The following DENND10 variants were observed in gnomAD, a reference collection of about 807,000 sequenced individuals.
The protein encoded by DENND10 is DENN domain containing 10.
In DENND10, 24 loss-of-function variants were observed where a neutral mutation model predicts 43.6. The observed-to-expected ratio is 0.55, with a 90% CI of 0.40 to 0.77. DENND10 has a LOEUF of 0.77. DENND10 is among the 30% of genes least tolerant of loss of function. The probability of loss-of-function intolerance (pLI) is 0.00; values close to 1 mark genes in which losing one functional copy is unlikely to be tolerated. For synonymous variants in DENND10, 125 were observed against 157.6 expected (o/e 0.79, Z 1.55); for missense variants, 303 against 429.9 (o/e 0.70, Z 2.61).
At chr10:119,108,476 C>A (rs185119005) in intron 2 of DENND10, among the ~76,000 whole-genome samples, 1,548 of 92,178 alleles carry the variant, frequency 0.017, 21 homozygotes, top group East Asian at 0.059. Flanking sequence ...AGCGAGACTC[C>A]GTCTCAAAAA....
intron 5 of DENND10, among the ~76,000 whole-genome samples, chr10:119,120,996 G>T (rs1447347312): frequency 6.6e-6 from 1 of 151,616 alleles, no homozygotes; most frequent in African/African-American, 2.4e-5. Flanking sequence ...TTCATTTTTA[G>T]TAGAGATGGG....
chr10:119,127,695 C>T (rs1845896858), intron 6 of DENND10, among the ~76,000 whole-genome samples: 5 of 151,876 alleles, frequency 3.3e-5, no homozygotes, highest in Admixed American at 3.3e-4. Context: ...GCCATGTTGC[C>T]CAGGCAGGCC....
intron 3 of DENND10, among the ~76,000 whole-genome samples, chr10:119,112,388 C>A (rs1845018657): frequency 6.6e-6 from 1 of 152,108 alleles, no homozygotes; most frequent in Non-Finnish European, 1.5e-5. Flanking sequence ...TTCTGATTAA[C>A]TGGTTAGTCA....
At chr10:119,118,436 A>G (rs1845400896) in intron 4 of DENND10, among the ~76,000 whole-genome samples, 1 of 152,156 alleles carries the variant, frequency 6.6e-6, no homozygotes, top group Non-Finnish European at 1.5e-5. Context: ...GGAAAATCCA[A>G]AATGCAGACA....
intron 3 of DENND10, chr10:119,114,179 G>A (rs1845127473): frequency 6.6e-6 from 1 of 152,192 alleles, no homozygotes; most frequent in Admixed American, 6.6e-5. Context: ...TGAGGACTCG[G>A]AGCTACTGCC....
At position 119,105,458 on chromosome 10, in the gene DENND10, T is replaced by C. The variant is rs952456879; in HGVS notation, c.55+1261T>C. The C allele has an allele frequency of 4.3e-6, 4 of 940,532 alleles. No homozygotes were observed. The South Asian group carries it at 5.0e-5, about 12-fold the overall frequency. 58.3% of individuals were successfully genotyped at this position (940,532 alleles called of 1,614,324 possible). On this transcript the variant is annotated intron_variant, in intron 1 of 8. Coordinates refer to ENST00000361432, the MANE Select transcript of DENND10 (RefSeq NM_207009.4). ...TGCACCACCACCCGATTAATTTTTG[T>C]ATTTTTTGTGGAGATGGGATACCGA... is the stretch of plus-strand genomic sequence containing the variant.
chr10:119,117,965 CA>C (rs370576956), intron 4 of DENND10, among the ~76,000 whole-genome samples: 9 of 134,224 alleles, frequency 6.7e-5, no homozygotes, highest in African/African-American at 1.1e-4. Flanking sequence ...GACTCCGTCT[CA>C]AAAAAAAAAC....
intron 4 of DENND10, among the ~76,000 whole-genome samples, chr10:119,117,915 C>T (rs1020501417): frequency 2.6e-5 from 4 of 151,594 alleles, no homozygotes; most frequent in South Asian, 2.1e-4. Context: ...TGCAGTGAGC[C>T]GAGATTGTGC....
intron 6 of DENND10, among the ~76,000 whole-genome samples, chr10:119,124,576 G>T (rs1482151075): frequency 6.6e-6 from 1 of 151,850 alleles, no homozygotes; most frequent in Non-Finnish European, 1.5e-5. Flanking sequence ...TTGAGACCAG[G>T]TCTTCCTGTG....
chr10:119,119,686 A>G (rs2133490444), intron 4 of DENND10, among the ~76,000 whole-genome samples: 1 of 150,754 alleles, frequency 6.6e-6, no homozygotes, highest in Non-Finnish European at 1.5e-5. Context: ...AAGTGTTGGT[A>G]TTACAGACAT....
At chr10:119,135,163 C>CAA (rs61460927) in intron 8 of DENND10, 1 of 132,702 alleles carries the variant, frequency 7.5e-6, no homozygotes, top group African/African-American at 2.7e-5. Context: ...AAAACTGTCT[C>CAA]AAAAAAAAAA....
chr10:119,117,691 G>C, intron 4 of DENND10, 24 bp downstream of exon 4: 1 of 1,611,674 alleles, frequency 6.2e-7, no homozygotes, highest in Non-Finnish European at 8.5e-7. Flanking sequence ...AAACAGGCCA[G>C]GGACGGTGGC....
chr10:119,113,406 C>G (rs1418412972), intron 3 of DENND10, among the ~76,000 whole-genome samples: 1 of 151,462 alleles, frequency 6.6e-6, no homozygotes, highest in East Asian at 1.9e-4. Context: ...CTATGTTGCC[C>G]AGGCTGGTCT....
chr10:119,129,067 G>A (rs1046457335), intron 6 of DENND10, among the ~76,000 whole-genome samples: 3 of 151,748 alleles, frequency 2.0e-5, no homozygotes, highest in Non-Finnish European at 4.4e-5. Context: ...GGGAATCATT[G>A]TTCTAACACC....
chr10:119,129,888 T>C (rs1846004780), intron 7 of DENND10, among the ~76,000 whole-genome samples: 1 of 152,254 alleles, frequency 6.6e-6, no homozygotes, highest in African/African-American at 2.4e-5. Flanking sequence ...CAAGGTGTAT[T>C]ATCTACTGCC....
intron 7 of DENND10, 120 bp downstream of exon 7, chr10:119,129,742 T>A (rs1845999821): frequency 1.5e-6 from 1 of 688,036 alleles, no homozygotes; most frequent in Admixed American, 2.3e-5. Context: ...AGATGGATAT[T>A]TCCGTGTCTA....
chr10:119,117,944 G>A (rs1220393897), intron 4 of DENND10, among the ~76,000 whole-genome samples: 21 of 151,400 alleles, frequency 1.4e-4, no homozygotes, highest in Admixed American at 3.3e-4. Flanking sequence ...TCCGGCCTGG[G>A]CAACAGACGA....
At chr10:119,111,980 A>T (rs1464368535) in intron 3 of DENND10, 52 bp downstream of exon 3, 1 of 1,310,186 alleles carries the variant, frequency 7.6e-7, no homozygotes, top group East Asian at 2.3e-5. Flanking sequence ...AGACCTTAGT[A>T]TAGTTACATA....
chr10:119,126,517 T>C (rs568348240), intron 6 of DENND10, among the ~76,000 whole-genome samples: 1 of 152,312 alleles, frequency 6.6e-6, no homozygotes, highest in African/African-American at 2.4e-5. Flanking sequence ...CAGGCCAGAG[T>C]GCAGTGGCAT....
Sources: allele counts gnomAD v4.1 joint callset (sites outside exome capture counted in the v4.1 genomes callset), GRCh38; gene constraint gnomAD v4.1.1; transcripts MANE v1.5; gene names NCBI Gene and HGNC (gene_info 2026-07-23, HGNC 2026-07-21).